Variants in TBX5 observed in about 807,000 individuals in gnomAD.
The protein encoded by TBX5 is T-box transcription factor TBX5.
A neutral mutation model predicts 51.1 loss-of-function variants in TBX5; 8 were observed. That is an observed-to-expected ratio of 0.16 (90% CI 0.09 to 0.28). The LOEUF (loss-of-function observed/expected upper bound fraction) is 0.28, where lower values mean the gene tolerates loss of function less well. Among genes scored for constraint, TBX5 ranks in the 10% least tolerant of loss-of-function variants. The probability of loss-of-function intolerance (pLI) is 1.00; values close to 1 mark genes in which losing one functional copy is unlikely to be tolerated. For missense variants in TBX5, 589 were observed against 671.7 expected (o/e 0.88, Z 1.36); for synonymous variants, 302 against 266.4 (o/e 1.13, Z -1.30).
intron 7 of TBX5, among the ~76,000 whole-genome samples, chr12:114,378,631 GTTTGT>G (rs201413549): frequency 3.9e-5 from 6 of 152,044 alleles, no homozygotes; most frequent in Admixed American, 2.0e-4. Flanking sequence ...GTTTTGTTTT[GTTTGT>G]TTTGTTTTGT....
intron 6 of TBX5, among the ~76,000 whole-genome samples, chr12:114,387,354 T>C (rs1870873085): frequency 6.6e-6 from 1 of 152,188 alleles, no homozygotes; most frequent in South Asian, 2.1e-4. Context: ...TTATTGAAAA[T>C]AAAATTATTA....
At chr12:114,391,808 TC>T (rs1384456936) in intron 6 of TBX5, among the ~76,000 whole-genome samples, 1 of 152,118 alleles carries the variant, frequency 6.6e-6, no homozygotes, top group African/African-American at 2.4e-5. Context: ...AAATCACACA[TC>T]ATATATCCAC....
chr12:114,397,787 C>G (rs981347259), intron 5 of TBX5, among the ~76,000 whole-genome samples: 1 of 151,920 alleles, frequency 6.6e-6, no homozygotes, highest in African/African-American at 2.4e-5. Context: ...GGAAAAAAAA[C>G]AGATCTCCCC....
chr12:114,399,767 C>T (rs1871683115), intron 3 of TBX5, 135 bp from the exon 4 acceptor site: 3 of 1,404,264 alleles, frequency 2.1e-6, no homozygotes, highest in Admixed American at 3.6e-5. Context: ...TTCCGCTCTC[C>T]GCAAGATCCA....
At chr12:114,407,185 C>G (rs1048555140), upstream of TBX5, 15 of 886,626 alleles carry the variant, frequency 1.7e-5, no homozygotes, top group South Asian at 5.2e-5. Flanking sequence ...TGGAGAATCT[C>G]CAACCCTGAA....
chr12:114,381,238 T>C (rs1401767241), intron 7 of TBX5, among the ~76,000 whole-genome samples: 2 of 152,212 alleles, frequency 1.3e-5, no homozygotes, highest in Non-Finnish European at 2.9e-5. Context: ...TAACTCTCTG[T>C]AATCCCACCT....
chr12:114,386,636 A>C (rs1348559415), intron 6 of TBX5, among the ~76,000 whole-genome samples: 1 of 152,212 alleles, frequency 6.6e-6, no homozygotes, highest in African/African-American at 2.4e-5. Context: ...CTTGCTACTC[A>C]ATAAGAAGAA....
intron 1 of TBX5, 40 bp downstream of exon 1, chr12:114,405,587 CT>C (rs1313052234): frequency 1.7e-6 from 1 of 572,880 alleles, no homozygotes; most frequent in Non-Finnish European, 2.2e-6. Context: ...GGCCGACGAG[CT>C]CCCTCCTGAG....
intron 7 of TBX5, among the ~76,000 whole-genome samples, chr12:114,370,544 C>T (rs888260704): frequency 3.3e-5 from 5 of 151,974 alleles, no homozygotes; most frequent in African/African-American, 7.3e-5. Context: ...TGGTCAGTTT[C>T]GGGTGATGCC....
rs1868802078 is a variant in TBX5, at chr12:114,355,125, T to TC, written c.*406dup. 2 of 271,668 alleles carry TC rather than the reference T, an allele frequency of 7.4e-6. No homozygotes were observed. The highest frequency in any genetic ancestry group is 7.3e-6 in the Non-Finnish European group (1 of 136,670). The allele number at this position is 271,668 out of a possible 1,614,324, so 16.8% of individuals were successfully genotyped here. ...TATTATCATTTATTATATAACAATGTCAACATTAACACCAAGACAGGGACA... is the reference window on the plus strand; with the variant it reads ...TATTATCATTTATTATATAACAATGTCCAACATTAACACCAAGACAGGGACA... On this transcript the variant is annotated 3_prime_UTR_variant, in exon 9 of 9. Transcript: ENST00000405440.
intron 8 of TBX5, among the ~76,000 whole-genome samples, chr12:114,359,085 A>G (rs886169284): frequency 6.6e-6 from 1 of 152,226 alleles, no homozygotes; most frequent in Non-Finnish European, 1.5e-5. Context: ...ATTTGTTACA[A>G]GTAAAAAAGG....
chr12:114,356,204 T>C lies in TBX5; in HGVS notation c.983-98A>G, dbSNP rs546488473. ...GGCCAAAGTACTGAAGAATAAGTCC[T>C]GAGAGACTGTTAGCCCTAACCGCCA... On this transcript the variant is annotated intron_variant, in intron 8 of 8. Transcript: ENST00000405440. 2.6e-5 allele frequency: 31 copies of C among 1,179,926 alleles called. No homozygotes were observed. In the South Asian group the frequency reaches 3.7e-4, roughly 14 times the overall value. 73.1% of individuals were successfully genotyped at this position (1,179,926 alleles called of 1,614,324 possible).
Position 114,356,990 on chromosome 12 carries a change from C to CGATGGATGGATG in TBX5, c.983-896_983-885dup, listed in dbSNP as rs60572224. The stretch of plus-strand genomic sequence containing the variant: ...AGAAAGCATGCAATAAATATTTGTA[C>CGATGGATGGATG]GATGGATGGATGGATGGATGGATGG... On this transcript the variant is annotated intron_variant, in intron 8 of 8. Transcript: ENST00000405440. Among the ~76,000 whole-genome samples, 624 of 143,312 alleles carry CGATGGATGGATG rather than the reference C, an allele frequency of 4.4e-3. 8 individuals carry two copies. Among genetic ancestry groups the CGATGGATGGATG allele is most frequent in the African/African-American group, 0.013 (531 of 39,956 alleles). 94.0% of individuals were successfully genotyped at this position (143,312 alleles called of 152,430 possible).
At chr12:114,401,121 T>A (rs995466518) in intron 3 of TBX5, among the ~76,000 whole-genome samples, 1 of 152,168 alleles carries the variant, frequency 6.6e-6, no homozygotes, top group Admixed American at 6.5e-5. Context: ...CATACAGAGC[T>A]GCACCACTCT....
At chr12:114,370,288 GAAAGAAAAGA>G (rs775331042) in intron 7 of TBX5, among the ~76,000 whole-genome samples, 6 of 56,686 alleles carry the variant, frequency 1.1e-4, no homozygotes, top group Admixed American at 3.7e-4. Flanking sequence ...GAAAAGAAAA[GAAAGAAAAGA>G]AAAGAAAAGA....
chr12:114,371,525 G>A (rs997079308), intron 7 of TBX5, among the ~76,000 whole-genome samples: 4 of 151,602 alleles, frequency 2.6e-5, no homozygotes, highest in South Asian at 2.1e-4. Context: ...CACTACAGCC[G>A]ACTGAATTGG....
At chr12:114,370,326 G>T (rs528808976) in intron 7 of TBX5, among the ~76,000 whole-genome samples, 2 of 150,636 alleles carry the variant, frequency 1.3e-5, no homozygotes, top group South Asian at 4.2e-4. Context: ...GAAAAGAAAA[G>T]AAAAGAGAAA....
chr12:114,385,774 G>T (rs1870780080), intron 6 of TBX5, among the ~76,000 whole-genome samples: 3 of 151,722 alleles, frequency 2.0e-5, no homozygotes, highest in African/African-American at 2.4e-5. Context: ...TTTTAAAAGG[G>T]GAAAAACACC....
At chr12:114,393,661 A>G (rs908169640) in intron 6 of TBX5, among the ~76,000 whole-genome samples, 3 of 152,162 alleles carry the variant, frequency 2.0e-5, no homozygotes, top group African/African-American at 7.2e-5. Context: ...GTCATTGTCA[A>G]GCTTTGAAAT....
Sources: allele counts gnomAD v4.1 joint callset (sites outside exome capture counted in the v4.1 genomes callset), GRCh38; gene constraint gnomAD v4.1.1; transcripts MANE v1.5; gene names NCBI Gene and HGNC (gene_info 2026-07-23, HGNC 2026-07-21).